Variants in HS2ST1 observed in about 807,000 individuals in gnomAD.
The protein encoded by HS2ST1 is 2-O-sulfotransferase.
Under a neutral mutation model 42.9 loss-of-function variants are expected in HS2ST1, and 18 were observed. The ratio of observed to expected loss-of-function variants is 0.42; its 90% CI spans 0.29 to 0.62. The LOEUF (loss-of-function observed/expected upper bound fraction) is 0.62, where lower values mean the gene tolerates loss of function less well. Among genes scored for constraint, HS2ST1 ranks in the 20% least tolerant of loss-of-function variants. The pLI is 0.21. For synonymous variants in HS2ST1, 146 were observed against 152.9 expected (o/e 0.95, Z 0.33); for missense variants, 334 against 433.8 (o/e 0.77, Z 2.04).
chr1:86,987,808 T>C (rs1648833890), intron 1 of HS2ST1, among the ~76,000 whole-genome samples: 1 of 152,248 alleles, frequency 6.6e-6, no homozygotes, highest in South Asian at 2.1e-4. Flanking sequence ...ACACTTAAAA[T>C]TTTAATCTAC....
At position 86,928,149 on chromosome 1, in the gene HS2ST1, C is replaced by T. The variant is rs578249613; in HGVS notation, c.124+12989C>T. Among the ~76,000 whole-genome samples the T allele has an allele frequency of 4.6e-5, 7 of 151,968 alleles. No homozygotes were observed. In the South Asian group the frequency reaches 1.4e-3, roughly 31 times the overall value. ...GTATTCAGTAGAGTTGTAAATTCTG[C>T]CCTATTTTTGTTCTAAGACTTTGAT... On this transcript the variant is annotated intron_variant, in intron 1 of 6. Coordinates refer to ENST00000370550, the MANE Select transcript of HS2ST1 (RefSeq NM_012262.4).
chr1:87,005,593 A>G (rs780108630), intron 1 of HS2ST1, among the ~76,000 whole-genome samples: 2 of 152,158 alleles, frequency 1.3e-5, no homozygotes, highest in Non-Finnish European at 2.9e-5. Flanking sequence ...GATTAAATGA[A>G]TGTATACATT....
At chr1:87,042,474 T>C (rs1302427304) in intron 1 of HS2ST1, among the ~76,000 whole-genome samples, 1 of 152,118 alleles carries the variant, frequency 6.6e-6, no homozygotes. Context: ...CTTAATCCAT[T>C]TTTAGTTGGT....
chr1:86,920,156 A>G (rs1033142986), intron 1 of HS2ST1, among the ~76,000 whole-genome samples: 1 of 152,212 alleles, frequency 6.6e-6, no homozygotes, highest in Non-Finnish European at 1.5e-5. Context: ...GTATTCTTAC[A>G]TCTCTATATG....
chr1:86,942,575 TTTGTATTATTTCTGAGGAAAA>T (rs2102177116), intron 1 of HS2ST1, among the ~76,000 whole-genome samples: 1 of 152,152 alleles, frequency 6.6e-6, no homozygotes, highest in East Asian at 1.9e-4. Flanking sequence ...ATGAAAATAT[TTTGTATTATTTCTGAGGAAAA>T]TCAGCTTTTT....
chr1:87,103,475 C>T lies in HS2ST1; in HGVS notation c.730C>T (p.Leu244=). Residue 244 remains leucine (L), a synonymous_variant, in exon 6 of 7, where the codon CTA becomes TTA. Transcript: ENST00000370550. The stretch of plus-strand genomic sequence containing the variant: ...GGCTATGGATCAAGCCAAGTATAAC[C>T]TAATTAATGAATATTTTCTGGTGGG... ...RWAMDQAKYN[L]INEYFLVGVT... is the part of the protein sequence containing the mutation. 3 of 1,612,554 alleles carry T rather than the reference C, an allele frequency of 1.9e-6. No individual in the cohort carries two copies. Among genetic ancestry groups the T allele is most frequent in the Middle Eastern group, 1.7e-4 (1 of 6,056 alleles).
intron 1 of HS2ST1, among the ~76,000 whole-genome samples, chr1:87,068,306 T>A (rs953024017): frequency 2.6e-5 from 4 of 152,172 alleles, no homozygotes; most frequent in Non-Finnish European, 5.9e-5. Context: ...GATTCCTAGG[T>A]ATTTTATTCT....
chr1:87,012,804 A>G (rs1279655605), intron 1 of HS2ST1, among the ~76,000 whole-genome samples: 1 of 152,236 alleles, frequency 6.6e-6, no homozygotes, highest in Non-Finnish European at 1.5e-5. Context: ...CATTGGGCAA[A>G]TACAGCCATT....
intron 1 of HS2ST1, among the ~76,000 whole-genome samples, chr1:87,058,023 A>T (rs1302727895): frequency 6.6e-6 from 1 of 151,396 alleles, no homozygotes; most frequent in Admixed American, 6.6e-5. Flanking sequence ...GCTTCTTTCG[A>T]TTTTGTTTTA....
chr1:86,990,029 T>G (rs755373649), intron 1 of HS2ST1, among the ~76,000 whole-genome samples: 3 of 152,038 alleles, frequency 2.0e-5, no homozygotes, highest in Non-Finnish European at 2.9e-5. Flanking sequence ...AGTAAACATG[T>G]GTGTGCATGT....
chr1:87,052,570 A>G (rs1650863677), intron 1 of HS2ST1, among the ~76,000 whole-genome samples: 1 of 152,210 alleles, frequency 6.6e-6, no homozygotes, highest in Admixed American at 6.5e-5. Flanking sequence ...TGTGCTTTCC[A>G]TAATGATGGT....
In HS2ST1 at chr1:87,062,544, A is replaced by G. The variant is rs532072348; in HGVS notation, c.125-10390A>G. 7.2e-5 allele frequency among the ~76,000 whole-genome samples: 11 copies of G among 152,094 alleles called. No homozygotes were observed. The South Asian group carries it at 2.3e-3, about 31-fold the overall frequency. On this transcript the variant is annotated intron_variant, in intron 1 of 6. Coordinates refer to ENST00000370550, the MANE Select transcript of HS2ST1 (RefSeq NM_012262.4). ...GAGCCACATCACAGAATGCCGTAAT[A>G]ATTTTGCTTTCTCTGTCAAACTTGC...
chr1:86,994,616 T>C (rs1347797422), intron 1 of HS2ST1, among the ~76,000 whole-genome samples: 3 of 152,168 alleles, frequency 2.0e-5, no homozygotes, highest in African/African-American at 7.2e-5. Context: ...TGTTTCAGGA[T>C]AGTATAAAGT....
chr1:87,022,016 A>G (rs1649966519), intron 1 of HS2ST1, among the ~76,000 whole-genome samples: 1 of 152,246 alleles, frequency 6.6e-6, no homozygotes, highest in Non-Finnish European at 1.5e-5. Flanking sequence ...GTATGGAGGT[A>G]TCAGGTATAC....
intron 1 of HS2ST1, among the ~76,000 whole-genome samples, chr1:87,029,732 T>C (rs1051061675): frequency 6.6e-6 from 1 of 152,250 alleles, no homozygotes; most frequent in African/African-American, 2.4e-5. Context: ...AAAGAAGAGG[T>C]ACCTAATTTA....
chr1:86,992,158 C>G (rs1372179999), intron 1 of HS2ST1, among the ~76,000 whole-genome samples: 8 of 151,808 alleles, frequency 5.3e-5, no homozygotes, highest in Non-Finnish European at 1.2e-4. Context: ...CAAAACCACT[C>G]CTCCCACTCC....
At chr1:87,017,033 G>A (rs1281698690) in intron 1 of HS2ST1, among the ~76,000 whole-genome samples, 1 of 152,112 alleles carries the variant, frequency 6.6e-6, no homozygotes, top group Non-Finnish European at 1.5e-5. Context: ...AGATTTAGGT[G>A]TTAACATGGG....
At chr1:87,025,446 A>G (rs531354239) in intron 1 of HS2ST1, among the ~76,000 whole-genome samples, 2 of 152,336 alleles carry the variant, frequency 1.3e-5, no homozygotes, top group East Asian at 3.9e-4. Flanking sequence ...CAAATGGGAA[A>G]TACAGTTTTC....
chr1:87,049,628 T>C lies in HS2ST1; in HGVS notation c.125-23306T>C, dbSNP rs186174958. Among the ~76,000 whole-genome samples, 423 of 152,224 alleles carry C rather than the reference T, an allele frequency of 2.8e-3. 1 individual carries two copies. The highest frequency in any genetic ancestry group is 9.6e-3 in the African/African-American group (400 of 41,584). ...AATTCTGTTTTAGTCAGAGAATATA[T>C]TTTGTATGATTTGAGTACTTTCAAA... On this transcript the variant is annotated intron_variant, in intron 1 of 6. Coordinates refer to ENST00000370550, the MANE Select transcript of HS2ST1 (RefSeq NM_012262.4).
Sources: allele counts gnomAD v4.1 joint callset (sites outside exome capture counted in the v4.1 genomes callset), GRCh38; gene constraint gnomAD v4.1.1; transcripts MANE v1.5; gene names NCBI Gene and HGNC (gene_info 2026-07-23, HGNC 2026-07-21).